The following GATM variants were observed in gnomAD, a reference collection of about 807,000 sequenced individuals.
GATM encodes the protein glycine amidinotransferase.
In GATM, 23 loss-of-function variants were observed where a neutral mutation model predicts 54.2. The observed-to-expected ratio is 0.42, with a 90% CI of 0.31 to 0.60. GATM has a LOEUF of 0.60. Ranked by LOEUF, GATM falls within the 20% of genes least tolerant of loss-of-function variation. The probability of loss-of-function intolerance (pLI) is 0.14; values close to 1 mark genes in which losing one functional copy is unlikely to be tolerated. For synonymous variants in GATM, 168 were observed against 183.1 expected (o/e 0.92, Z 0.67); for missense variants, 401 against 544.9 (o/e 0.74, Z 2.63).
intron 1 of GATM, chr15:45,377,364 C>G: frequency 2.4e-6 from 1 of 420,334 alleles, no homozygotes; most frequent in South Asian, 1.8e-5. Flanking sequence ...TTTTTTTCAT[C>G]TTTGACATAC....
At chr15:45,400,205 G>A (rs1296601935) in intron 1 of GATM, among the ~76,000 whole-genome samples, 3 of 152,176 alleles carry the variant, frequency 2.0e-5, no homozygotes, top group Non-Finnish European at 4.4e-5. Context: ...CTGGGTGACA[G>A]AGCAAGACTG....
At chr15:45,375,067 T>TTTTG (rs1327051910) in intron 2 of GATM, among the ~76,000 whole-genome samples, 2 of 151,816 alleles carry the variant, frequency 1.3e-5, no homozygotes, top group South Asian at 2.1e-4. Context: ...CACTAGGAGT[T>TTTTG]TTTGTTTGTT....
At chr15:45,369,768 T>C (rs1889508689) in intron 2 of GATM, 1 of 496,874 alleles carries the variant, frequency 2.0e-6, no homozygotes. Flanking sequence ...TGAGATCTCA[T>C]GGCCAACCAC....
chr15:45,390,938 C>T (rs1196950721), intron 3 of GATM, among the ~76,000 whole-genome samples: 1 of 152,172 alleles, frequency 6.6e-6, no homozygotes, highest in African/African-American at 2.4e-5. Flanking sequence ...ATGTGGAGAT[C>T]AGAATTGACC....
chr15:45,381,806 G>A (rs1346089627), upstream of GATM, among the ~76,000 whole-genome samples: 1 of 152,162 alleles, frequency 6.6e-6, no homozygotes, highest in African/African-American at 2.4e-5. Context: ...TTCAAACAAG[G>A]TGACTAAAGT....
intron 2 of GATM, among the ~76,000 whole-genome samples, chr15:45,371,639 G>A (rs1889545769): frequency 6.6e-6 from 1 of 152,150 alleles, no homozygotes; most frequent in Non-Finnish European, 1.5e-5. Context: ...GCTCTGGCAG[G>A]TCACATGCTT....
At chr15:45,366,589 T>C in intron 4 of GATM, 81 bp from the exon 5 acceptor site, 1 of 1,499,230 alleles carries the variant, frequency 6.7e-7, no homozygotes. Context: ...CTAAGAAAAT[T>C]AGTTTAACAT....
chr15:45,388,022 T>A (rs534882366), intron 3 of GATM, among the ~76,000 whole-genome samples: 17 of 152,306 alleles, frequency 1.1e-4, no homozygotes, highest in African/African-American at 3.6e-4. Flanking sequence ...TATTAATTTT[T>A]AAAAAATTAA....
chr15:45,401,680 C>G (rs969608206), intron 1 of GATM, among the ~76,000 whole-genome samples: 1 of 152,192 alleles, frequency 6.6e-6, no homozygotes, highest in African/African-American at 2.4e-5. Flanking sequence ...ATCGCATGAA[C>G]TTTAGTGATT....
At chr15:45,387,187 T>A (rs1889813671) in intron 3 of GATM, among the ~76,000 whole-genome samples, 1 of 152,222 alleles carries the variant, frequency 6.6e-6, no homozygotes, top group Non-Finnish European at 1.5e-5. Flanking sequence ...ATGTTGTTCA[T>A]GTGACAGCAA....
intron 1 of GATM, chr15:45,378,179 G>C: frequency 2.1e-6 from 1 of 478,488 alleles, no homozygotes; most frequent in Non-Finnish European, 3.7e-6. Context: ...CCCCCTGACT[G>C]GGGGACGCCG....
intron 2 of GATM, among the ~76,000 whole-genome samples, chr15:45,399,180 G>A (rs1416629931): frequency 6.6e-6 from 1 of 152,090 alleles, no homozygotes; most frequent in Non-Finnish European, 1.5e-5. Context: ...CCATCGGTTT[G>A]GATTTTGACC....
chr15:45,362,677 C>T (rs761385764), intron 8 of GATM, among the ~76,000 whole-genome samples: 10 of 152,140 alleles, frequency 6.6e-5, no homozygotes, highest in Non-Finnish European at 1.0e-4. Flanking sequence ...CTTCACCAGG[C>T]CACCATAAGG....
chr15:45,393,184 T>G (rs1425446130), intron 3 of GATM, among the ~76,000 whole-genome samples: 2 of 152,224 alleles, frequency 1.3e-5, no homozygotes, highest in Non-Finnish European at 2.9e-5. Context: ...TACAAATGAT[T>G]AAAATCAGGT....
chr15:45,367,195 G>A (rs1200056398), intron 4 of GATM, among the ~76,000 whole-genome samples: 3 of 152,040 alleles, frequency 2.0e-5, no homozygotes, highest in South Asian at 2.1e-4. Context: ...ACAAAAATTC[G>A]TCAGGCATGG....
At chr15:45,373,928 C>G (rs890288663) in intron 2 of GATM, among the ~76,000 whole-genome samples, 1 of 152,134 alleles carries the variant, frequency 6.6e-6, no homozygotes, top group African/African-American at 2.4e-5. Flanking sequence ...CGAATGAAAT[C>G]AATACTGCTA....
intron 2 of GATM, among the ~76,000 whole-genome samples, chr15:45,375,747 T>C (rs1889621379): frequency 6.6e-6 from 1 of 150,948 alleles, no homozygotes; most frequent in African/African-American, 2.4e-5. Flanking sequence ...TTGAATACCA[T>C]GAAGACTTTA....
chr15:45,387,916 G>A lies in GATM; in HGVS notation c.-319+9006C>T, dbSNP rs1430521064. On this transcript the variant is annotated intron_variant, in intron 3 of 4. Coordinates refer to the GATM transcript ENST00000561148. Reference sequence around the variant, plus strand: ...AGTGAACTTTTGGAAAACAGACTTTGATTTTATACTCTGGGAATTCAAATC... The same window carrying A: ...AGTGAACTTTTGGAAAACAGACTTTAATTTTATACTCTGGGAATTCAAATC... 3.3e-5 allele frequency among the ~76,000 whole-genome samples: 5 copies of A among 152,254 alleles called. No individual in the cohort carries two copies. In the East Asian group the frequency reaches 5.8e-4, roughly 18 times the overall value.
rs1008371015 is a variant in GATM at position 45,364,878 on chromosome 15, A to C, written c.979-18T>G. 8.1e-6 allele frequency: 13 copies of C among 1,607,288 alleles called. No homozygotes were observed. Among genetic ancestry groups the C allele is most frequent in the Non-Finnish European group, 1.0e-5 (12 of 1,174,116 alleles). ...AGATCAATCTGTAAGACCAAAAAAA[A>C]CCCCCAAAACCGTTAAATCTACATA... is the stretch of plus-strand genomic sequence containing the variant. On this transcript the variant is annotated intron_variant, in intron 6 of 8. Coordinates refer to ENST00000396659, the MANE Select transcript of GATM (RefSeq NM_001482.3).
Sources: allele counts gnomAD v4.1 joint callset (sites outside exome capture counted in the v4.1 genomes callset), GRCh38; gene constraint gnomAD v4.1.1; transcripts MANE v1.5; gene names NCBI Gene and HGNC (gene_info 2026-07-23, HGNC 2026-07-21).